The following HMGXB4 variants were observed in gnomAD, a reference collection of about 807,000 sequenced individuals.
HMGXB4 encodes HMG domain-containing protein 4.
A neutral mutation model predicts 63.9 loss-of-function variants in HMGXB4; 27 were observed. The ratio of observed to expected loss-of-function variants is 0.42; its 90% CI spans 0.31 to 0.58. HMGXB4 has a LOEUF of 0.58. Among genes scored for constraint, HMGXB4 ranks in the 20% least tolerant of loss-of-function variants. The pLI is 0.13. For synonymous variants in HMGXB4, 264 were observed against 265.3 expected, an observed-to-expected ratio of 0.99 and a Z score of 0.05; for missense variants, 624 against 700.7, an observed-to-expected ratio of 0.89 and a Z score of 1.24.
the HMGXB4 span, among the ~76,000 whole-genome samples, chr22:35,248,607 G>T: frequency 6.6e-6 from 1 of 151,994 alleles, no homozygotes; most frequent in African/African-American, 2.4e-5. Context: ...GTTTCACCAC[G>T]TTGCCCAGGC....
At chr22:35,279,132 C>CTTTTTTTTTTT (rs551006065) in intron 5 of HMGXB4, among the ~76,000 whole-genome samples, 2 of 50,824 alleles carry the variant, frequency 3.9e-5, no homozygotes, top group Non-Finnish European at 6.4e-5. Context: ...TATGGATTGT[C>CTTTTTTTTTTT]TTTTTTTTTT....
Position 35,263,135 on chromosome 22 carries a change from A to G in HMGXB4, c.89A>G (p.Gln30Arg). 1 of 1,614,160 alleles carries G rather than the reference A, an allele frequency of 6.2e-7. No homozygotes were observed. The highest frequency in any genetic ancestry group is 8.5e-7 in the Non-Finnish European group (1 of 1,179,984). The change falls in exon 3 of 11, where the codon CAA becomes CGA. Residue 30 changes from glutamine to arginine, a missense_variant. By Grantham distance (43) the Gln-to-Arg change is conservative (BLOSUM62 1). Coordinates refer to ENST00000216106, the MANE Select transcript of HMGXB4 (RefSeq NM_001003681.3). The stretch of plus-strand genomic sequence containing the variant: ...ATAGGACTTGCAGCTGGCCGAAGCC[A>G]ACGAGAGAAAAAACGTTCTTACAAA... The part of the protein sequence containing the change: ...EDIGLAAGRS[Q>R]REKKRSYKDF...
chr22:35,255,676 G>A (rs527285013), upstream of HMGXB4, among the ~76,000 whole-genome samples: 26 of 152,392 alleles, frequency 1.7e-4, no homozygotes, highest in South Asian at 5.0e-3. Flanking sequence ...CCCTGGAAGT[G>A]ACCATGTCTG....
At chr22:35,253,132 CAAAAA>C (rs554912249), upstream of HMGXB4, among the ~76,000 whole-genome samples, 1 of 96,590 alleles carries the variant, frequency 1.0e-5, no homozygotes, top group African/African-American at 5.2e-5. Flanking sequence ...AACTCCATCT[CAAAAA>C]AAAAAAAAAA....
At chr22:35,264,099 A>C in intron 4 of HMGXB4, 1 of 1,512,668 alleles carries the variant, frequency 6.6e-7, no homozygotes, top group Admixed American at 2.0e-5. Context: ...TACACCAGGT[A>C]CCAGGTTCCT....
At chr22:35,267,655 G>A (rs147669550) in intron 5 of HMGXB4, among the ~76,000 whole-genome samples, 2 of 150,522 alleles carry the variant, frequency 1.3e-5, no homozygotes, top group Non-Finnish European at 1.5e-5. Context: ...CCAGTATCCC[G>A]CCAGTCAACC....
chr22:35,259,498 A>G (rs977330885), intron 1 of HMGXB4, among the ~76,000 whole-genome samples: 8 of 152,276 alleles, frequency 5.3e-5, no homozygotes, highest in African/African-American at 1.9e-4. Flanking sequence ...TGAACTCTGA[A>G]TTTTCACAGA....
Position 35,293,630 on chromosome 22 carries a change from T to A in HMGXB4, c.1785T>A (p.Ala595=). 1.9e-6 allele frequency: 3 copies of A among 1,612,318 alleles called. No individual in the cohort carries two copies. Among genetic ancestry groups the A allele is most frequent in the Non-Finnish European group, 2.5e-6 (3 of 1,178,340 alleles). ...AGTCAAACACATTAGACAACATTGCTTACATCATGCCGGGACTGTGACAGC... is the reference window on the plus strand; with the variant it reads ...AGTCAAACACATTAGACAACATTGCATACATCATGCCGGGACTGTGACAGC... The part of the protein sequence containing the change: ...QVLSNTLDNI[A]YIMPGL Residue 595 remains alanine (A), a synonymous_variant, in exon 11 of 11, where the codon GCT becomes GCA. Coordinates refer to ENST00000216106, the MANE Select transcript of HMGXB4 (RefSeq NM_001003681.3).
At chr22:35,287,279 C>G in intron 7 of HMGXB4, 68 bp from the exon 8 acceptor site, 1 of 1,255,068 alleles carries the variant, frequency 8.0e-7, no homozygotes, top group African/African-American at 1.5e-5. Context: ...TTTGTTCTTT[C>G]ATGACTGCTT....
chr22:35,267,029 A>G (rs1437088090), intron 5 of HMGXB4, among the ~76,000 whole-genome samples: 1 of 151,952 alleles, frequency 6.6e-6, no homozygotes. Context: ...ATTTAGTTTG[A>G]TCTCTGAGGT....
chr22:35,292,899 G>A, intron 9 of HMGXB4, 93 bp from the exon 10 acceptor site: 1 of 1,455,608 alleles, frequency 6.9e-7, no homozygotes, highest in Non-Finnish European at 9.5e-7. Flanking sequence ...TATAAGAGTA[G>A]AACTGCCTAG....
At chr22:35,253,616 C>CGCGA (rs1555886297), upstream of HMGXB4, among the ~76,000 whole-genome samples, 1 of 106,412 alleles carries the variant, frequency 9.4e-6, no homozygotes, top group South Asian at 3.2e-4. Context: ...CGCGCGCGCG[C>CGCGA]GTGTGTGTGT....
chr22:35,261,062 G>A (rs370831271), intron 1 of HMGXB4, among the ~76,000 whole-genome samples: 79 of 152,324 alleles, frequency 5.2e-4, no homozygotes, highest in African/African-American at 1.8e-3. Flanking sequence ...TTAATTGGAT[G>A]AGAACATTTC....
chr22:35,243,698 C>T, the HMGXB4 span, among the ~76,000 whole-genome samples: 20 of 151,972 alleles, frequency 1.3e-4, no homozygotes, highest in African/African-American at 4.6e-4. Context: ...CATATGCCAC[C>T]ACGCCCGGCT....
intron 5 of HMGXB4, among the ~76,000 whole-genome samples, chr22:35,280,742 T>A (rs1924195513): frequency 6.6e-6 from 1 of 152,210 alleles, no homozygotes. Context: ...CTTTCTAACA[T>A]CATCTCTTAC....
chr22:35,245,532 T>C, the HMGXB4 span, among the ~76,000 whole-genome samples: 1 of 152,206 alleles, frequency 6.6e-6, no homozygotes, highest in African/African-American at 2.4e-5. Flanking sequence ...TCTGTCATCT[T>C]GCTGTTGGTA....
chr22:35,281,045 A>G (rs1467738720), intron 5 of HMGXB4, among the ~76,000 whole-genome samples: 1 of 152,222 alleles, frequency 6.6e-6, no homozygotes, highest in Non-Finnish European at 1.5e-5. Context: ...TCTGGCACAT[A>G]TGGATACTCA....
rs377200575 is a variant in HMGXB4 at position 35,288,445 on chromosome 22, A to G, written c.1638+38A>G. 3.9e-5 allele frequency: 57 copies of G among 1,477,934 alleles called. 1 individual carries two copies. In the South Asian group the frequency reaches 5.2e-4, roughly 13 times the overall value. The allele number at this position is 1,477,934 out of a possible 1,614,324, so 91.6% of individuals were successfully genotyped here. On this transcript the variant is annotated intron_variant, in intron 9 of 10. Coordinates refer to ENST00000216106, the MANE Select transcript of HMGXB4 (RefSeq NM_001003681.3). ...ATCAGCAGCATGACTACAGTTTCCC[A>G]TATAGTTTCCCATATAATTTTGATT...
intron 5 of HMGXB4, among the ~76,000 whole-genome samples, chr22:35,275,648 G>T (rs1039884016): frequency 1.3e-5 from 2 of 152,138 alleles, no homozygotes; most frequent in Non-Finnish European, 2.9e-5. Flanking sequence ...GGAGGCCAAG[G>T]CAGGAGGATC....
Sources: allele counts gnomAD v4.1 joint callset (sites outside exome capture counted in the v4.1 genomes callset), GRCh38; gene constraint gnomAD v4.1.1; transcripts MANE v1.5; gene names NCBI Gene and HGNC (gene_info 2026-07-23, HGNC 2026-07-21).